The following IL15RA variants were observed in gnomAD, a reference collection of about 807,000 sequenced individuals.
The protein encoded by IL15RA is interleukin 15 receptor subunit alpha, also known as interleukin-15 receptor subunit alpha.
Under a neutral mutation model 24.2 loss-of-function variants are expected in IL15RA, and 26 were observed. The observed-to-expected ratio is 1.07, with a 90% confidence interval of 0.79 to 1.49. The LOEUF is 1.49. Among genes scored for constraint, IL15RA ranks in the 40% most tolerant of loss-of-function variants. The pLI, the probability that IL15RA is intolerant of heterozygous loss-of-function variation, is 0.00. For missense variants in IL15RA, 354 were observed against 356.4 expected (o/e 0.99, Z 0.05); for synonymous variants, 166 against 157.6 (o/e 1.05, Z -0.40).
chr10:5,960,344 C>A lies in IL15RA; in HGVS notation c.583+23G>T. 6.2e-6 allele frequency: 10 copies of A among 1,610,548 alleles called. No individual in the cohort carries two copies. Among genetic ancestry groups the A allele is most frequent in the Non-Finnish European group, 8.5e-6 (10 of 1,176,858 alleles). On this transcript the variant is annotated intron_variant, in intron 4 of 6. Coordinates refer to ENST00000379977, the MANE Select transcript of IL15RA (RefSeq NM_002189.4). The surrounding 1 kb of genome is among the most constrained non-coding windows in gnomAD (Gnocchi z 5.1). ...AAGCAGCAATGGGGAACTGACCTCT[C>A]CTGGGGCAAAGCGAGTGCTAACCTG...
Position 5,959,822 on chromosome 10 carries a change from C to T in IL15RA, c.584-36G>A, listed in dbSNP as rs750797566. ...GAGAGGACAGCATCACGGCTCGAGT[C>T]CTAGAGGTCCTAGTTCCTCATGAAG... On this transcript the variant is annotated intron_variant, in intron 4 of 6. Transcript: ENST00000379977. This position sits in a 1 kb window ranked among gnomAD's most constrained non-coding sequence, Gnocchi z 4.1. 5 of 1,607,720 alleles carry T rather than the reference C, an allele frequency of 3.1e-6. No individual in the cohort carries two copies. In the African/African-American group the frequency reaches 4.0e-5, roughly 13 times the overall value.
Position 5,970,996 on chromosome 10 carries a change from C to T in IL15RA, c.89-4657G>A, listed in dbSNP as rs1193857961. 2.6e-5 allele frequency among the ~76,000 whole-genome samples: 4 copies of T among 151,966 alleles called. No individual in the cohort carries two copies. The highest frequency in any genetic ancestry group is 4.2e-4 in the South Asian group (2 of 4,816). On this transcript the variant is annotated intron_variant, in intron 1 of 6. Coordinates refer to ENST00000379977, the MANE Select transcript of IL15RA (RefSeq NM_002189.4). This position sits in a 1 kb window ranked among gnomAD's most constrained non-coding sequence, Gnocchi z 4.1. ...TGGTCTCAAACTCCTGAACTCAAGC[C>T]GTCCTCCAGAGATAATACATTTAAT...
rs1564511683 is a variant in IL15RA, at chr10:5,967,706, T to G, written c.89-1367A>C. ...CTCTGTTGGAAGTGACAGGTGTTGT[T>G]TAGTTACAGTTGTTGGTACATGCCC... On this transcript the variant is annotated intron_variant, in intron 1 of 6. Transcript: ENST00000379977. The surrounding 1 kb of genome is among the most constrained non-coding windows in gnomAD (Gnocchi z 4.4). 6.6e-6 allele frequency among the ~76,000 whole-genome samples: 1 copy of G among 152,172 alleles called. No homozygotes were observed. The highest frequency in any genetic ancestry group is 1.5e-5 in the Non-Finnish European group (1 of 68,032).
At chr10:5,949,194 C>T (rs781347002), downstream of IL15RA, 11 of 470,994 alleles carry the variant, frequency 2.3e-5, no homozygotes, top group South Asian at 1.7e-4. This position sits in a 1 kb window ranked among gnomAD's most constrained non-coding sequence, Gnocchi z 4.4. Context: ...CCAGGAGGAG[C>T]CTTGTAATTG....
chr10:5,965,517 C>T lies in IL15RA; in HGVS notation c.283+628G>A, dbSNP rs1418735357. 6.6e-5 allele frequency among the ~76,000 whole-genome samples: 10 copies of T among 152,210 alleles called. No individual in the cohort carries two copies. The highest frequency in any genetic ancestry group is 2.2e-4 in the African/African-American group (9 of 41,446). ...AAGAGTTAATATTTACCAGGGTTCA[C>T]GCCACCCTCCCACAGCCCGCAGTGT... On this transcript the variant is annotated intron_variant, in intron 2 of 6. Coordinates refer to ENST00000379977, the MANE Select transcript of IL15RA (RefSeq NM_002189.4). The surrounding 1 kb of genome is among the most constrained non-coding windows in gnomAD (Gnocchi z 5.8).
Position 5,977,506 on chromosome 10 carries a change from C to G in IL15RA, c.-14G>C. On this transcript the variant is annotated 5_prime_UTR_variant, in exon 1 of 7. Coordinates refer to ENST00000379977, the MANE Select transcript of IL15RA (RefSeq NM_002189.4). ...CCGCGGGGCCATGGCGGCAGCTCCA[C>G]AGGACACCGCTGGACTCCCCGGGCG... is the stretch of plus-strand genomic sequence containing the variant. 1 of 1,343,766 alleles carries G rather than the reference C, an allele frequency of 7.4e-7. No homozygotes were observed. The highest frequency in any genetic ancestry group is 9.5e-7 in the Non-Finnish European group (1 of 1,048,648). 83.2% of individuals were successfully genotyped at this position (1,343,766 alleles called of 1,614,324 possible).
Position 5,970,342 on chromosome 10 carries a change from A to G in IL15RA, c.89-4003T>C, listed in dbSNP as rs1384227666. On this transcript the variant is annotated intron_variant, in intron 1 of 6. Coordinates refer to ENST00000379977, the MANE Select transcript of IL15RA (RefSeq NM_002189.4). This position sits in a 1 kb window ranked among gnomAD's most constrained non-coding sequence, Gnocchi z 4.1. ...TCTATGTTTTGCTTTGACATATGTT[A>G]TACCCCATGACACATTGTTATTATT... 6.6e-6 allele frequency among the ~76,000 whole-genome samples: 1 copy of G among 152,224 alleles called. No individual in the cohort carries two copies. The highest frequency in any genetic ancestry group is 1.9e-4 in the East Asian group (1 of 5,208).
In IL15RA at chr10:5,960,678, C is replaced by T; in HGVS notation, c.383-111G>A. ...ATAGTGAGTCACCCTGACCAGCCCT[C>T]CCTCTCTCACAGCCAACTGCTCCTT... On this transcript the variant is annotated intron_variant, in intron 3 of 6. Transcript: ENST00000379977. The surrounding 1 kb of genome is among the most constrained non-coding windows in gnomAD (Gnocchi z 5.1). 1.2e-6 allele frequency: 1 copy of T among 848,606 alleles called. No homozygotes were observed. Among genetic ancestry groups the T allele is most frequent in the Non-Finnish European group, 1.9e-6 (1 of 518,376 alleles). The allele number at this position is 848,606 out of a possible 1,614,324, so 52.6% of individuals were successfully genotyped here. A position where few individuals can be genotyped will look rare whatever the true frequency, so the allele number is the denominator to read the frequency against.
rs1278921220 is a variant in IL15RA at position 5,970,573 on chromosome 10, GAATGTACAAGGATATC to G, written c.89-4250_89-4235del. 6.6e-6 allele frequency among the ~76,000 whole-genome samples: 1 copy of G among 152,100 alleles called. No homozygotes were observed. The highest frequency in any genetic ancestry group is 1.5e-5 in the Non-Finnish European group (1 of 68,028). On this transcript the variant is annotated intron_variant, in intron 1 of 6. Coordinates refer to ENST00000379977, the MANE Select transcript of IL15RA (RefSeq NM_002189.4). This position sits in a 1 kb window ranked among gnomAD's most constrained non-coding sequence, Gnocchi z 4.1. Reference sequence around the variant, plus strand: ...ATAAATCTGTGAATAGTTAATGTTTGAATGTACAAGGATATCAATGTACTACAGCCAATCCAACCAG... The same window carrying G: ...ATAAATCTGTGAATAGTTAATGTTTGAATGTACTACAGCCAATCCAACCAG...
chr10:5,968,908 C>G lies in IL15RA; in HGVS notation c.89-2569G>C. On this transcript the variant is annotated intron_variant, in intron 1 of 6. Coordinates refer to ENST00000379977, the MANE Select transcript of IL15RA (RefSeq NM_002189.4). This position sits in a 1 kb window ranked among gnomAD's most constrained non-coding sequence, Gnocchi z 5.4. ...GATATTCTGCTCCTTCCCGCCAGGA[C>G]AGCCAGCCTGTCTCTTGCATCTGTA... is the stretch of plus-strand genomic sequence containing the variant. 2 of 1,493,634 alleles carry G rather than the reference C, an allele frequency of 1.3e-6. No individual in the cohort carries two copies. The highest frequency in any genetic ancestry group is 9.0e-7 in the Non-Finnish European group (1 of 1,108,554). 92.5% of individuals were successfully genotyped at this position (1,493,634 alleles called of 1,614,324 possible).
At chr10:5,950,196 G>A (rs1833774842), downstream of IL15RA, among the ~76,000 whole-genome samples, 1 of 152,176 alleles carries the variant, frequency 6.6e-6, no homozygotes, top group East Asian at 1.9e-4. This position sits in a 1 kb window ranked among gnomAD's most constrained non-coding sequence, Gnocchi z 5.6. Flanking sequence ...GGCAGGGAAG[G>A]AGAGAAGAGG....
At chr10:5,951,272 A>G (rs1260131413), downstream of IL15RA, among the ~76,000 whole-genome samples, 2 of 151,708 alleles carry the variant, frequency 1.3e-5, no homozygotes, top group African/African-American at 2.4e-5. Flanking sequence ...GCAGTGAGCC[A>G]AGATTGCATC....
chr10:5,961,897 A>G lies in IL15RA; in HGVS notation c.383-1330T>C, dbSNP rs957371723. Among the ~76,000 whole-genome samples, 1 of 152,144 alleles carries G rather than the reference A, an allele frequency of 6.6e-6. No individual in the cohort carries two copies. The highest frequency in any genetic ancestry group is 1.5e-5 in the Non-Finnish European group (1 of 68,032). On this transcript the variant is annotated intron_variant, in intron 3 of 6. Transcript: ENST00000379977. The surrounding 1 kb of genome is among the most constrained non-coding windows in gnomAD (Gnocchi z 5.2). ...GCCTCACGCCCCTTAATCCTGTGTC[A>G]CCACCTTTCATATAACTTGCCCTAC...
Position 5,959,293 on chromosome 10 carries a change from C to T in IL15RA, c.616+461G>A, listed in dbSNP as rs1164956620. Among the ~76,000 whole-genome samples the T allele has an allele frequency of 6.6e-6, 1 of 151,996 alleles. No homozygotes were observed. Among genetic ancestry groups the T allele is most frequent in the African/African-American group, 2.4e-5 (1 of 41,362 alleles). On this transcript the variant is annotated intron_variant, in intron 5 of 6. Coordinates refer to ENST00000379977, the MANE Select transcript of IL15RA (RefSeq NM_002189.4). The surrounding 1 kb of genome is among the most constrained non-coding windows in gnomAD (Gnocchi z 4.1). ...CTGCTGGGATTACAGGTGTGAGCCA[C>T]CATGCCTGGCCAAGAGTAGCATTTT...
At chr10:5,978,578 A>G (rs902667396), upstream of IL15RA, among the ~76,000 whole-genome samples, 1 of 152,210 alleles carries the variant, frequency 6.6e-6, no homozygotes, top group Non-Finnish European at 1.5e-5. This position sits in a 1 kb window ranked among gnomAD's most constrained non-coding sequence, Gnocchi z 5.2. Flanking sequence ...ACCTGCACTT[A>G]TAACCCTGAA....
chr10:5,971,388 C>A lies in IL15RA; in HGVS notation c.89-5049G>T, dbSNP rs1446494361. On this transcript the variant is annotated intron_variant, in intron 1 of 6. Transcript: ENST00000379977. This position sits in a 1 kb window ranked among gnomAD's most constrained non-coding sequence, Gnocchi z 5.5. The stretch of plus-strand genomic sequence containing the variant: ...CACCAAAATAGTGTATGAGGCCACA[C>A]CTCTTTCTGTTTCCCAGAACCTGTG... 6.6e-6 allele frequency among the ~76,000 whole-genome samples: 1 copy of A among 152,202 alleles called. No individual in the cohort carries two copies. The highest frequency in any genetic ancestry group is 2.4e-5 in the African/African-American group (1 of 41,440).
rs145049659 is a variant in IL15RA, at chr10:5,970,072, G to A, written c.89-3733C>T. On this transcript the variant is annotated intron_variant, in intron 1 of 6. Coordinates refer to ENST00000379977, the MANE Select transcript of IL15RA (RefSeq NM_002189.4). The surrounding 1 kb of genome is among the most constrained non-coding windows in gnomAD (Gnocchi z 4.1). ...AATAGCAGCTTTGTAGATTCCATAT[G>A]ATTTCCTATGGAGATGATCACATCA... 1.7e-3 allele frequency among the ~76,000 whole-genome samples: 254 copies of A among 152,266 alleles called. No homozygotes were observed. Among genetic ancestry groups the A allele is most frequent in the African/African-American group, 5.8e-3 (243 of 41,550 alleles).
downstream of IL15RA, among the ~76,000 whole-genome samples, chr10:5,951,659 C>T (rs1389823441): frequency 2.0e-5 from 3 of 152,198 alleles, no homozygotes; most frequent in Non-Finnish European, 4.4e-5. Context: ...AACCCTATCT[C>T]TACTAAGAAA....
Position 5,960,283 on chromosome 10 carries a change from A to T in IL15RA, c.583+84T>A. On this transcript the variant is annotated intron_variant, in intron 4 of 6. Transcript: ENST00000379977. This position sits in a 1 kb window ranked among gnomAD's most constrained non-coding sequence, Gnocchi z 5.1. ...ATCCTGACTTTGGATTGATGGTATAAAGCTGCCTTGTGCCGGATCTCAGCC... is the reference window on the plus strand; with the variant it reads ...ATCCTGACTTTGGATTGATGGTATATAGCTGCCTTGTGCCGGATCTCAGCC... 7.8e-7 allele frequency: 1 copy of T among 1,276,008 alleles called. No individual in the cohort carries two copies. Among genetic ancestry groups the T allele is most frequent in the Non-Finnish European group, 1.1e-6 (1 of 879,440 alleles). 79.0% of individuals were successfully genotyped at this position (1,276,008 alleles called of 1,614,324 possible).
Sources: allele counts gnomAD v4.1 joint callset (sites outside exome capture counted in the v4.1 genomes callset), GRCh38; gene constraint gnomAD v4.1.1; non-coding constraint Gnocchi (gnomAD v3.1); transcripts MANE v1.5; gene names NCBI Gene and HGNC (gene_info 2026-07-23, HGNC 2026-07-21).